FRMD4A: variants seen among roughly 807,000 people sequenced by gnomAD.
The protein encoded by FRMD4A is FERM domain-containing protein 4A.
Under a neutral mutation model 129.1 loss-of-function variants are expected in FRMD4A, and 29 were observed. That is an observed-to-expected ratio of 0.22 (90% CI 0.17 to 0.31). The LOEUF is 0.31. FRMD4A is among the 10% of genes least tolerant of loss of function. The pLI, the probability that FRMD4A is intolerant of heterozygous loss-of-function variation, is 1.00. For missense variants in FRMD4A, 1,272 were observed against 1,375.8 expected, an observed-to-expected ratio of 0.92 and a Z score of 1.19; for synonymous variants, 634 against 571.6, an observed-to-expected ratio of 1.11 and a Z score of -1.56.
chr10:13,932,216 A>G (rs1018503343), intron 2 of FRMD4A, among the ~76,000 whole-genome samples: 2 of 152,204 alleles, frequency 1.3e-5, no homozygotes, highest in Middle Eastern at 3.2e-3. Flanking sequence ...AGAATCTAGC[A>G]CAGTAAGTGG....
intron 2 of FRMD4A, among the ~76,000 whole-genome samples, chr10:13,930,987 C>T (rs541612269): frequency 4.5e-4 from 68 of 152,194 alleles, no homozygotes; most frequent in Non-Finnish European, 8.4e-4. Context: ...TGCACACCAC[C>T]GTACCTAGCT....
intron 2 of FRMD4A, chr10:13,866,329 G>A: frequency 1.0e-6 from 1 of 955,672 alleles, no homozygotes; most frequent in Non-Finnish European, 1.2e-6. Flanking sequence ...GTCGGATGCG[G>A]GACAGCAGCC....
chr10:14,256,060 T>C (rs1234536107), intron 2 of FRMD4A, among the ~76,000 whole-genome samples: 1 of 150,914 alleles, frequency 6.6e-6, no homozygotes, highest in Non-Finnish European at 1.5e-5. Context: ...TTTTTTAAAC[T>C]ACAGAATTAA....
intron 12 of FRMD4A, among the ~76,000 whole-genome samples, chr10:13,723,462 G>C (rs1458450694): frequency 6.6e-6 from 1 of 152,168 alleles, no homozygotes; most frequent in African/African-American, 2.4e-5. Flanking sequence ...GAAAAGAGGA[G>C]TTATTGTTTC....
At chr10:13,790,237 A>C (rs966506667) in intron 5 of FRMD4A, among the ~76,000 whole-genome samples, 1 of 152,138 alleles carries the variant, frequency 6.6e-6, no homozygotes, top group African/African-American at 2.4e-5. Context: ...TCACAAAGAC[A>C]AGGAGGTGAC....
intron 2 of FRMD4A, among the ~76,000 whole-genome samples, chr10:14,255,772 G>A (rs950035098): frequency 2.6e-5 from 4 of 152,112 alleles, no homozygotes; most frequent in Non-Finnish European, 5.9e-5. Flanking sequence ...CTGCGAGGCC[G>A]AGGCAGGTGG....
At chr10:14,221,892 G>A (rs1401544280) in intron 2 of FRMD4A, among the ~76,000 whole-genome samples, 1 of 152,092 alleles carries the variant, frequency 6.6e-6, no homozygotes, top group African/African-American at 2.4e-5. Context: ...GTTATTGGAG[G>A]GTCTGCAGTT....
At chr10:14,101,872 A>T (rs769517530) in intron 2 of FRMD4A, among the ~76,000 whole-genome samples, 4 of 152,152 alleles carry the variant, frequency 2.6e-5, no homozygotes, top group Non-Finnish European at 4.4e-5. Flanking sequence ...TCATTTTGGG[A>T]TATCCTCTCA....
chr10:14,061,455 C>T (rs779030801), intron 2 of FRMD4A, among the ~76,000 whole-genome samples: 20 of 151,946 alleles, frequency 1.3e-4, no homozygotes, highest in Non-Finnish European at 2.6e-4. Context: ...GCACATTTAA[C>T]GAATGGAAAA....
chr10:14,312,458 A>G (rs1846583142), intron 2 of FRMD4A, among the ~76,000 whole-genome samples: 1 of 152,242 alleles, frequency 6.6e-6, no homozygotes, highest in Admixed American at 6.5e-5. Context: ...ACAAAAATTT[A>G]AAATGATATA....
chr10:14,326,932 A>T (rs1189208770), intron 2 of FRMD4A: 1 of 398,564 alleles, frequency 2.5e-6, no homozygotes, highest in Non-Finnish European at 4.4e-6. Context: ...CACCACCAGA[A>T]TGTGTCTTCT....
At chr10:13,660,700 T>G in intron 19 of FRMD4A, 147 bp from the exon 20 acceptor site, 2 of 570,938 alleles carry the variant, frequency 3.5e-6, no homozygotes, top group East Asian at 2.8e-5. Flanking sequence ...CTGAAACTCT[T>G]CCCCAGTTGC....
intron 2 of FRMD4A, among the ~76,000 whole-genome samples, chr10:14,011,300 C>T (rs1472993270): frequency 6.6e-6 from 1 of 152,286 alleles, no homozygotes; most frequent in African/African-American, 2.4e-5. Context: ...GCTTTGATGT[C>T]ACCAGGAGTT....
chr10:13,855,051 A>T (rs2094194629), intron 3 of FRMD4A, among the ~76,000 whole-genome samples: 1 of 152,166 alleles, frequency 6.6e-6, no homozygotes. Flanking sequence ...CCCTACTGTG[A>T]GTAACGTATG....
chr10:13,795,619 A>G lies in FRMD4A; in HGVS notation c.299+877T>C, dbSNP rs114207485. On this transcript the variant is annotated intron_variant, in intron 5 of 24. Transcript: ENST00000357447. ...GAACAGAGTTGTATGGCATGGGTGTAAGTGTTAGTGTCCATGTAAAGACTG... is the reference window on the plus strand; with the variant it reads ...GAACAGAGTTGTATGGCATGGGTGTGAGTGTTAGTGTCCATGTAAAGACTG... Among the ~76,000 whole-genome samples the G allele has an allele frequency of 1.2e-3, 181 of 152,342 alleles. 1 individual carries two copies. Among genetic ancestry groups the G allele is most frequent in the African/African-American group, 4.1e-3 (172 of 41,584 alleles).
intron 2 of FRMD4A, among the ~76,000 whole-genome samples, chr10:14,281,916 A>G (rs1845531014): frequency 1.3e-5 from 2 of 152,286 alleles, no homozygotes; most frequent in South Asian, 2.1e-4. Context: ...CCATTTTTAC[A>G]TTGCTGATAA....
intron 2 of FRMD4A, chr10:14,003,417 A>G (rs2095649936): frequency 6.6e-6 from 1 of 152,322 alleles, no homozygotes; most frequent in African/African-American, 2.4e-5. Context: ...GAGAACAGTG[A>G]TGTCCAGTCC....
At chr10:13,976,430 T>A (rs2095542316) in intron 2 of FRMD4A, among the ~76,000 whole-genome samples, 1 of 151,944 alleles carries the variant, frequency 6.6e-6, no homozygotes, top group East Asian at 1.9e-4. Context: ...CCCAGCCCCA[T>A]CCCCTGCAGC....
intron 6 of FRMD4A, among the ~76,000 whole-genome samples, chr10:13,772,103 C>A (rs1463056910): frequency 6.9e-6 from 1 of 145,714 alleles, no homozygotes; most frequent in African/African-American, 2.6e-5. Flanking sequence ...GGTGACTGAG[C>A]AAGACTCCGC....
Sources: allele counts gnomAD v4.1 joint callset (sites outside exome capture counted in the v4.1 genomes callset), GRCh38; gene constraint gnomAD v4.1.1; transcripts MANE v1.5; gene names NCBI Gene and HGNC (gene_info 2026-07-23, HGNC 2026-07-21).